ASCC3: variants seen among roughly 807,000 people sequenced by gnomAD.
ASCC3 encodes ASC-1 complex subunit P200.
A neutral mutation model predicts 256.3 loss-of-function variants in ASCC3; 158 were observed. That is an observed-to-expected ratio of 0.62 (90% confidence interval 0.54 to 0.70). ASCC3 has a LOEUF of 0.70. Ranked by LOEUF, ASCC3 falls within the 30% of genes least tolerant of loss-of-function variation. The pLI, the probability that ASCC3 is intolerant of heterozygous loss-of-function variation, is 0.00. For missense variants in ASCC3, 2,259 were observed against 2,626.0 expected, an observed-to-expected ratio of 0.86 and a Z score of 3.05; for synonymous variants, 948 against 883.4, an observed-to-expected ratio of 1.07 and a Z score of -1.30.
intron 30 of ASCC3, among the ~76,000 whole-genome samples, chr6:100,609,840 G>A (rs1773303603): frequency 6.6e-6 from 1 of 152,142 alleles, no homozygotes; most frequent in African/African-American, 2.4e-5. Flanking sequence ...AACCCGGGAT[G>A]CAGAGGTTGC....
intron 10 of ASCC3, among the ~76,000 whole-genome samples, chr6:100,758,059 A>G (rs906016159): frequency 2.7e-4 from 41 of 152,068 alleles, no homozygotes; most frequent in African/African-American, 9.7e-4. Context: ...CTACCATCCC[A>G]CCCAGGAGAT....
intron 2 of ASCC3, among the ~76,000 whole-genome samples, chr6:100,866,482 G>A (rs705602): frequency 0.21 from 32,397 of 152,108 alleles, 3,931 homozygotes; most frequent in African/African-American, 0.31. Flanking sequence ...ATCAGAATCC[G>A]TACGTTATTG....
At chr6:100,706,196 G>GAA (rs11408103) in intron 13 of ASCC3, among the ~76,000 whole-genome samples, 1 of 151,468 alleles carries the variant, frequency 6.6e-6, no homozygotes, top group Admixed American at 6.6e-5. Context: ...TAGATAACGT[G>GAA]AAAAACTGTT....
chr6:100,744,298 G>A (rs1450427108), intron 10 of ASCC3, among the ~76,000 whole-genome samples: 1 of 151,964 alleles, frequency 6.6e-6, no homozygotes, highest in African/African-American at 2.4e-5. Flanking sequence ...GGAGGAGTAG[G>A]GGCAAAGATT....
chr6:100,652,733 T>C lies in ASCC3; in HGVS notation c.2980A>G (p.Thr994Ala). 1.2e-6 allele frequency: 2 copies of C among 1,613,402 alleles called. No homozygotes were observed. Among genetic ancestry groups the C allele is most frequent in the Non-Finnish European group, 1.7e-6 (2 of 1,179,552 alleles). ...TASHYYIKYNTIETFNELFDA... is the reference protein window; with the variant it reads ...TASHYYIKYNAIETFNELFDA... ...TTGCATTAGTATAATACCTCAATGG[T>C]GTTGTATTTAATATAGTAATGGCTG... Residue 994 changes from threonine (T) to alanine (A), a missense_variant, in exon 18 of 42, where the codon ACC (threonine) becomes GCC (alanine). This residue lies in a region of ASCC3 where 1,839 missense variants were observed against 2,206.7 expected (regional missense o/e 0.83). Coordinates refer to ENST00000369162, the MANE Select transcript of ASCC3 (RefSeq NM_006828.4).
chr6:100,867,351 T>C (rs1773529792), intron 2 of ASCC3, among the ~76,000 whole-genome samples: 1 of 152,230 alleles, frequency 6.6e-6, no homozygotes, highest in Non-Finnish European at 1.5e-5. Flanking sequence ...TTTTTGTTTC[T>C]TACTAAAATG....
At chr6:100,548,954 A>G (rs1340541447) in intron 36 of ASCC3, among the ~76,000 whole-genome samples, 1 of 151,996 alleles carries the variant, frequency 6.6e-6, no homozygotes, top group Non-Finnish European at 1.5e-5. Flanking sequence ...AGAGTAAGAG[A>G]TGAACAACAA....
chr6:100,538,271 C>T (rs1448422368), intron 37 of ASCC3, among the ~76,000 whole-genome samples: 1 of 152,098 alleles, frequency 6.6e-6, no homozygotes, highest in African/African-American at 2.4e-5. Flanking sequence ...TCCAGGGCAA[C>T]AGCTAAAACT....
chr6:100,601,439 C>T (rs1471674619), intron 34 of ASCC3, among the ~76,000 whole-genome samples: 2 of 151,928 alleles, frequency 1.3e-5, no homozygotes, highest in Non-Finnish European at 2.9e-5. Context: ...AAATGCCCCA[C>T]AAATTTTTTT....
chr6:100,512,955 T>A, intron 39 of ASCC3, 37 bp from the exon 40 acceptor site: 2 of 1,568,338 alleles, frequency 1.3e-6, no homozygotes, highest in Non-Finnish European at 1.7e-6. Flanking sequence ...AAAGGAGGAG[T>A]TTATGTGAAA....
At chr6:100,812,544 A>G (rs568476137) in intron 4 of ASCC3, among the ~76,000 whole-genome samples, 12 of 152,314 alleles carry the variant, frequency 7.9e-5, no homozygotes, top group African/African-American at 2.9e-4. Flanking sequence ...AACTGCAATT[A>G]AATATTAACT....
intron 34 of ASCC3, among the ~76,000 whole-genome samples, chr6:100,592,796 G>T (rs545394265): frequency 4.6e-5 from 7 of 152,008 alleles, no homozygotes; most frequent in African/African-American, 9.7e-5. Flanking sequence ...AAGTAAAAAG[G>T]TCTGTTTTCA....
intron 36 of ASCC3, among the ~76,000 whole-genome samples, chr6:100,584,897 G>A (rs1771561161): frequency 6.6e-6 from 1 of 152,112 alleles, no homozygotes; most frequent in Admixed American, 6.5e-5. Context: ...TAAGAATGTT[G>A]AATATTGGCC....
At chr6:100,568,955 G>GTT (rs1770433360) in intron 36 of ASCC3, among the ~76,000 whole-genome samples, 1 of 151,072 alleles carries the variant, frequency 6.6e-6, no homozygotes, top group South Asian at 2.1e-4. Context: ...TTTTTTTTGT[G>GTT]TTTTTAGTAG....
At chr6:100,676,762 TCA>T (rs75606780) in intron 14 of ASCC3, among the ~76,000 whole-genome samples, 4,155 of 150,680 alleles carry the variant, frequency 0.028, 152 homozygotes, top group East Asian at 0.15. Flanking sequence ...ACACACACAC[TCA>T]CACACACACA....
intron 1 of ASCC3, among the ~76,000 whole-genome samples, chr6:100,878,604 T>A (rs1471237415): frequency 6.6e-6 from 1 of 152,172 alleles, no homozygotes; most frequent in Non-Finnish European, 1.5e-5. Context: ...CAGTATGTAT[T>A]ATAACTCTTC....
chr6:100,558,860 C>A (rs1255993839), intron 36 of ASCC3, among the ~76,000 whole-genome samples: 1 of 152,116 alleles, frequency 6.6e-6, no homozygotes, highest in Non-Finnish European at 1.5e-5. Context: ...GTCTTCCTGA[C>A]ACTTATGAAT....
intron 8 of ASCC3, among the ~76,000 whole-genome samples, chr6:100,789,996 C>G (rs1426618256): frequency 6.6e-6 from 1 of 151,920 alleles, no homozygotes; most frequent in African/African-American, 2.4e-5. Flanking sequence ...TAAACACGTC[C>G]TCTCTAAACC....
At chr6:100,570,530 C>G (rs1259834622) in intron 36 of ASCC3, among the ~76,000 whole-genome samples, 1 of 152,056 alleles carries the variant, frequency 6.6e-6, no homozygotes, top group African/African-American at 2.4e-5. Flanking sequence ...GGATGTTTTC[C>G]TTTTTGCTTA....
Sources: gnomAD v4.1 joint callset for allele counts (sites outside exome capture counted in the v4.1 genomes callset) on GRCh38, gnomAD v4.1.1 for gene constraint, gnomAD v4.1.1 regional missense constraint, MANE v1.5 for transcripts, NCBI Gene and HGNC (gene_info 2026-07-23, HGNC 2026-07-21) for gene names.